Variants in RBFOX3 observed in about 807,000 individuals in gnomAD.
The protein encoded by RBFOX3 is RNA binding protein fox-1 homolog 3.
Under a neutral mutation model 48.7 loss-of-function variants are expected in RBFOX3, and 17 were observed. The ratio of observed to expected loss-of-function variants is 0.35; its 90% CI spans 0.24 to 0.52. The LOEUF is 0.52. RBFOX3 is among the 20% of genes least tolerant of loss of function. The pLI, the probability that RBFOX3 is intolerant of heterozygous loss-of-function variation, is 0.94. For missense variants in RBFOX3, 382 were observed against 497.5 expected (o/e 0.77, Z 2.21); for synonymous variants, 212 against 209.5 (o/e 1.01, Z -0.10).
chr17:79,100,735 A>G (rs374995174), intron 9 of RBFOX3, among the ~76,000 whole-genome samples: 1 of 152,196 alleles, frequency 6.6e-6, no homozygotes, highest in Non-Finnish European at 1.5e-5. Flanking sequence ...GAGGCCCCCA[A>G]CGTACGCCTG....
intron 4 of RBFOX3, among the ~76,000 whole-genome samples, chr17:79,193,237 A>C (rs1304333143): frequency 1.3e-5 from 2 of 152,072 alleles, no homozygotes; most frequent in Non-Finnish European, 2.9e-5. Context: ...ATGTGGGGAG[A>C]TTACGCTCGG....
intron 3 of RBFOX3, among the ~76,000 whole-genome samples, chr17:79,290,828 C>T (rs868491494): frequency 6.6e-6 from 1 of 152,202 alleles, no homozygotes; most frequent in East Asian, 1.9e-4. Flanking sequence ...AAAATCAATT[C>T]TTCCATGCCC....
Position 79,208,977 on chromosome 17 carries a change from G to A in RBFOX3, c.-34+26789C>T, listed in dbSNP as rs375694563. ...ACTACAGGCACCCGCCACCACGCCC[G>A]GCTAATTTTTTGTACTTTTTTTTAG... On this transcript the variant is annotated intron_variant, in intron 4 of 14. Transcript: ENST00000693108. Among the ~76,000 whole-genome samples, 14 of 152,200 alleles carry A rather than the reference G, an allele frequency of 9.2e-5. No individual in the cohort carries two copies. In the South Asian group the frequency reaches 1.9e-3, roughly 20 times the overall value.
chr17:79,595,486 C>T (rs912437493), intron 1 of RBFOX3, among the ~76,000 whole-genome samples: 9 of 152,192 alleles, frequency 5.9e-5, no homozygotes, highest in African/African-American at 1.4e-4. Flanking sequence ...TTCTTTTCCA[C>T]GAAAATGGAC....
chr17:79,504,623 T>C (rs1176398869), intron 1 of RBFOX3, among the ~76,000 whole-genome samples: 2 of 152,174 alleles, frequency 1.3e-5, no homozygotes, highest in Admixed American at 6.5e-5. Context: ...GCTTCTGTGG[T>C]CACATGGCCT....
chr17:79,660,975 T>C, the RBFOX3 span, among the ~76,000 whole-genome samples: 8 of 152,320 alleles, frequency 5.3e-5, no homozygotes, highest in African/African-American at 1.9e-4. Flanking sequence ...ACATGTCCTT[T>C]GCTGGGATGT....
At chr17:79,300,267 C>T (rs546376985) in intron 3 of RBFOX3, among the ~76,000 whole-genome samples, 3 of 152,274 alleles carry the variant, frequency 2.0e-5, no homozygotes, top group African/African-American at 7.2e-5. Context: ...ATTTCCATTG[C>T]TGGGGCCACC....
In RBFOX3 at chr17:79,343,974, C is replaced by T. The variant is rs551513665; in HGVS notation, c.-174-36150G>A. Among the ~76,000 whole-genome samples, 6 of 152,312 alleles carry T rather than the reference C, an allele frequency of 3.9e-5. 1 individual carries two copies. In the South Asian group the frequency reaches 1.2e-3, roughly 32 times the overall value. ...AGACCCCCATACTCTCCAGAGAGAT[C>T]CCACTCAAGTGGGTATGAGAGATGC... On this transcript the variant is annotated intron_variant, in intron 2 of 14. Transcript: ENST00000693108.
chr17:79,419,933 C>T (rs1244566700), intron 2 of RBFOX3, among the ~76,000 whole-genome samples: 1 of 152,132 alleles, frequency 6.6e-6, no homozygotes, highest in Non-Finnish European at 1.5e-5. Context: ...TTGAGACCAG[C>T]TTGGGCAACA....
intron 1 of RBFOX3, among the ~76,000 whole-genome samples, chr17:79,586,483 C>G (rs924537665): frequency 1.3e-5 from 2 of 152,196 alleles, no homozygotes; most frequent in African/African-American, 4.8e-5. Flanking sequence ...CAAGCTACAG[C>G]GTTTTGGGGC....
At chr17:79,107,351 T>C (rs1281836958) in intron 5 of RBFOX3, among the ~76,000 whole-genome samples, 1 of 152,116 alleles carries the variant, frequency 6.6e-6, no homozygotes, top group Non-Finnish European at 1.5e-5. Context: ...TCCAGAAGCC[T>C]CTCCCAAGGC....
intron 4 of RBFOX3, chr17:79,208,397 G>T (rs1018538850): frequency 6.6e-6 from 1 of 152,338 alleles, no homozygotes; most frequent in African/African-American, 2.4e-5. Flanking sequence ...AAGGGGTGGG[G>T]CTGGGAGTCA....
In RBFOX3 at chr17:79,445,854, G is replaced by T. The variant is rs535969827; in HGVS notation, c.-175+36600C>A. 1.2e-4 allele frequency among the ~76,000 whole-genome samples: 18 copies of T among 152,334 alleles called. No homozygotes were observed. In the East Asian group the frequency reaches 3.1e-3, roughly 26 times the overall value. ...TGGGAAGGTTTTGCAGAGGGCAGGG[G>T]CTCTCTGAGTCTGACTGGTGGACCT... On this transcript the variant is annotated intron_variant, in intron 2 of 14. Transcript: ENST00000693108.
intron 2 of RBFOX3, among the ~76,000 whole-genome samples, chr17:79,400,657 A>T (rs1239594556): frequency 1.3e-5 from 2 of 152,256 alleles, no homozygotes; most frequent in Non-Finnish European, 2.9e-5. Flanking sequence ...AGAATGCAGA[A>T]GGCTCAGACA....
Position 79,422,455 on chromosome 17 carries a change from G to A in RBFOX3, c.-175+59999C>T, listed in dbSNP as rs888579221. The stretch of plus-strand genomic sequence containing the variant: ...AGGAAGCCCAGGGGGTCACCTGCCC[G>A]AGCCGGCTGCTGCCCTCTGTGTTTC... On this transcript the variant is annotated intron_variant, in intron 2 of 14. Transcript: ENST00000693108. Among the ~76,000 whole-genome samples the A allele has an allele frequency of 2.6e-5, 4 of 151,812 alleles. No individual in the cohort carries two copies. In the Middle Eastern group the frequency reaches 0.01, roughly 398 times the overall value.
chr17:79,240,412 G>A (rs557944327), intron 3 of RBFOX3, among the ~76,000 whole-genome samples: 1 of 152,320 alleles, frequency 6.6e-6, no homozygotes, highest in East Asian at 1.9e-4. Context: ...TTATGGGGAA[G>A]GTCTAGAAAG....
At chr17:79,606,690 G>A (rs1215154456) in intron 1 of RBFOX3, among the ~76,000 whole-genome samples, 1 of 152,168 alleles carries the variant, frequency 6.6e-6, no homozygotes, top group Non-Finnish European at 1.5e-5. Flanking sequence ...TTTCTTGAAG[G>A]GAGGTGACTC....
intron 1 of RBFOX3, among the ~76,000 whole-genome samples, chr17:79,529,009 A>G (rs1034583495): frequency 6.6e-6 from 1 of 152,234 alleles, no homozygotes; most frequent in African/African-American, 2.4e-5. Context: ...CTGTTCCCAC[A>G]TAACAGCACA....
intron 3 of RBFOX3, among the ~76,000 whole-genome samples, chr17:79,263,775 G>C (rs2066199267): frequency 6.6e-6 from 1 of 152,194 alleles, no homozygotes; most frequent in Non-Finnish European, 1.5e-5. Flanking sequence ...ACGAGGGGCA[G>C]AACGATGTCC....
Sources: gnomAD v4.1 joint callset for allele counts (sites outside exome capture counted in the v4.1 genomes callset) on GRCh38, gnomAD v4.1.1 for gene constraint, MANE v1.5 for transcripts, NCBI Gene and HGNC (gene_info 2026-07-23, HGNC 2026-07-21) for gene names.